NAALADL2: variants seen among roughly 807,000 people sequenced by gnomAD.
NAALADL2 encodes the protein inactive N-acetylated-alpha-linked acidic dipeptidase-like protein 2.
In NAALADL2, 76 loss-of-function variants were observed where a neutral mutation model predicts 87.2. That is an observed-to-expected ratio of 0.87 (90% CI 0.72 to 1.05). The LOEUF is 1.05. Ranked by LOEUF, NAALADL2 falls within the 50% of genes least tolerant of loss-of-function variation. The probability of loss-of-function intolerance (pLI) is 0.00; values close to 1 mark genes in which losing one functional copy is unlikely to be tolerated. For missense variants in NAALADL2, 1,089 were observed against 945.8 expected (o/e 1.15, Z -1.99); for synonymous variants, 354 against 331.0 (o/e 1.07, Z -0.75).
At chr3:174,717,000 T>C (rs913526183) in intron 2 of NAALADL2, among the ~76,000 whole-genome samples, 5 of 152,162 alleles carry the variant, frequency 3.3e-5, no homozygotes, top group Non-Finnish European at 7.4e-5. Context: ...TTGTTTTTTT[T>C]CCAAAGACCT....
chr3:174,518,771 T>C (rs1317503316), intron 1 of NAALADL2, among the ~76,000 whole-genome samples: 8 of 152,190 alleles, frequency 5.3e-5, no homozygotes, highest in African/African-American at 2.4e-5. Context: ...AAAAAGAAGA[T>C]AGGTAAACCA....
intron 11 of NAALADL2, among the ~76,000 whole-genome samples, chr3:175,683,153 A>G (rs1270375251): frequency 1.3e-5 from 2 of 152,014 alleles, no homozygotes; most frequent in Non-Finnish European, 2.9e-5. Context: ...TACATAGCCA[A>G]ATATTTTCAA....
chr3:175,613,444 G>A (rs193132353), intron 10 of NAALADL2, among the ~76,000 whole-genome samples: 4 of 152,152 alleles, frequency 2.6e-5, no homozygotes, highest in Non-Finnish European at 4.4e-5. Flanking sequence ...ATTATGCATC[G>A]TAGTGTATTT....
chr3:175,615,951 ATATAT>A (rs10552828), intron 10 of NAALADL2, among the ~76,000 whole-genome samples: 4,271 of 147,422 alleles, frequency 0.029, 210 homozygotes, highest in African/African-American at 0.099. Context: ...GTTATATAGT[ATATAT>A]TATATAGCAT....
At chr3:174,890,818 TAA>T (rs1158136536) in intron 1 of NAALADL2, among the ~76,000 whole-genome samples, 2 of 152,124 alleles carry the variant, frequency 1.3e-5, no homozygotes, top group Middle Eastern at 3.2e-3. Flanking sequence ...TAAATAAATA[TAA>T]GATAGGAAAA....
intron 6 of NAALADL2, among the ~76,000 whole-genome samples, chr3:175,457,937 T>C (rs979802844): frequency 1.3e-5 from 2 of 152,108 alleles, no homozygotes; most frequent in Non-Finnish European, 2.9e-5. Flanking sequence ...CATTACTTAA[T>C]TAGGATTTAT....
At chr3:175,702,471 GA>G (rs199708295) in intron 11 of NAALADL2, among the ~76,000 whole-genome samples, 2 of 149,514 alleles carry the variant, frequency 1.3e-5, no homozygotes, top group African/African-American at 4.9e-5. Flanking sequence ...AGGGAAGACA[GA>G]AAAAAAAACT....
intron 3 of NAALADL2, among the ~76,000 whole-genome samples, chr3:175,239,514 G>T (rs1006482545): frequency 3.3e-5 from 5 of 152,080 alleles, no homozygotes; most frequent in Non-Finnish European, 5.9e-5. Flanking sequence ...TGGTCAGATT[G>T]GTTCTGCCAA....
intron 2 of NAALADL2, among the ~76,000 whole-genome samples, chr3:174,733,197 G>T (rs1048298729): frequency 1.3e-5 from 2 of 152,084 alleles, no homozygotes; most frequent in Non-Finnish European, 2.9e-5. Context: ...TCTTCTAGTC[G>T]CAGTATTCTG....
chr3:175,793,204 T>G (rs916045871), intron 13 of NAALADL2, among the ~76,000 whole-genome samples: 3 of 151,908 alleles, frequency 2.0e-5, no homozygotes, highest in African/African-American at 7.3e-5. Flanking sequence ...CAGTGAGCAC[T>G]GCATAGAATA....
rs750862622 is a variant in NAALADL2, at chr3:175,096,858, A to G, written c.112A>G (p.Asn38Asp). The G allele has an allele frequency of 6.2e-7, 1 of 1,612,292 alleles. No homozygotes were observed. Among genetic ancestry groups the G allele is most frequent in the Admixed American group, 1.7e-5 (1 of 59,702 alleles). ...TCCAGGACACTCACAGTACTTAGAC[A>G]ATGATGACCTTCAAGCCACTGCCCT... ...RAPGHSQYLD[N>D]DDLQATALDL... is the part of the protein sequence containing the mutation. The change falls in exon 2 of 14, where the codon AAT (asparagine) becomes GAT (aspartate). Residue 38 changes from asparagine to aspartate, a missense_variant. Physicochemically the swap from Asn to Asp is conservative, Grantham distance 23. Coordinates refer to ENST00000454872, the MANE Select transcript of NAALADL2 (RefSeq NM_207015.3).
intron 2 of NAALADL2, among the ~76,000 whole-genome samples, chr3:174,721,901 C>T (rs1731744781): frequency 6.6e-6 from 1 of 152,078 alleles, no homozygotes; most frequent in Non-Finnish European, 1.5e-5. Flanking sequence ...CCAGAGGGGT[C>T]CAAGACGCAT....
At chr3:175,548,712 T>C (rs891795470) in intron 9 of NAALADL2, among the ~76,000 whole-genome samples, 1 of 151,962 alleles carries the variant, frequency 6.6e-6, no homozygotes, top group Admixed American at 6.6e-5. Context: ...AAAATGGAGA[T>C]TGAGATATAA....
chr3:175,164,370 T>G (rs1227194147), intron 2 of NAALADL2, among the ~76,000 whole-genome samples: 2 of 151,962 alleles, frequency 1.3e-5, no homozygotes, highest in African/African-American at 4.8e-5. Flanking sequence ...TTATCACATA[T>G]TATTCTAGTT....
chr3:175,641,314 T>C (rs921506812), intron 11 of NAALADL2, among the ~76,000 whole-genome samples: 9 of 152,220 alleles, frequency 5.9e-5, no homozygotes, highest in Non-Finnish European at 1.0e-4. Flanking sequence ...TTTTGTAAGT[T>C]GTAAAATTAT....
At chr3:175,432,827 G>C (rs1421586963) in intron 5 of NAALADL2, among the ~76,000 whole-genome samples, 2 of 152,046 alleles carry the variant, frequency 1.3e-5, no homozygotes, top group Admixed American at 1.3e-4. Flanking sequence ...ACTTTGACAT[G>C]CTGACCACTC....
intron 1 of NAALADL2, among the ~76,000 whole-genome samples, chr3:174,936,584 T>C (rs1289035114): frequency 6.6e-6 from 1 of 152,140 alleles, no homozygotes; most frequent in Admixed American, 6.6e-5. Flanking sequence ...AAATGGAAGA[T>C]AAGCCATTAT....
intron 11 of NAALADL2, among the ~76,000 whole-genome samples, chr3:175,671,856 A>T (rs563150502): frequency 9.2e-5 from 14 of 152,094 alleles, no homozygotes; most frequent in Non-Finnish European, 1.6e-4. Flanking sequence ...TCCAGAATGA[A>T]TCATTGAAAC....
Position 175,374,662 on chromosome 3 carries a change from C to T in NAALADL2, c.1090+50337C>T, listed in dbSNP as rs376124918. Among the ~76,000 whole-genome samples, 30 of 150,582 alleles carry T rather than the reference C, an allele frequency of 2.0e-4. 1 individual carries two copies. Among genetic ancestry groups the T allele is most frequent in the Admixed American group, 4.0e-4 (6 of 15,014 alleles). ...CTGAGGCAGGTGGATCACTTGAGCC[C>T]AGGAGTTTGAGACCAGCCTGGGCAA... On this transcript the variant is annotated intron_variant, in intron 5 of 13. Transcript: ENST00000454872.
Sources: gnomAD v4.1 joint callset for allele counts (sites outside exome capture counted in the v4.1 genomes callset) on GRCh38, gnomAD v4.1.1 for gene constraint, MANE v1.5 for transcripts, NCBI Gene and HGNC (gene_info 2026-07-23, HGNC 2026-07-21) for gene names.